SPAG1: variants seen among roughly 807,000 people sequenced by gnomAD.
SPAG1 encodes sperm-associated antigen 1.
In SPAG1, 69 loss-of-function variants were observed where a neutral mutation model predicts 100.5. That is an observed-to-expected ratio of 0.69 (90% CI 0.57 to 0.84). The LOEUF (loss-of-function observed/expected upper bound fraction) is 0.84. SPAG1 is among the 40% of genes least tolerant of loss of function. The probability of loss-of-function intolerance (pLI) is 0.00; values close to 1 mark genes in which losing one functional copy is unlikely to be tolerated. For missense variants in SPAG1, 955 were observed against 1,133.1 expected (o/e 0.84, Z 2.26); for synonymous variants, 336 against 411.6 (o/e 0.82, Z 2.22).
intron 10 of SPAG1, among the ~76,000 whole-genome samples, chr8:100,210,409 G>C (rs1412921815): frequency 6.6e-6 from 1 of 152,146 alleles, no homozygotes; most frequent in East Asian, 1.9e-4. Context: ...CTGTTCGCTA[G>C]TATTTTGCTG....
intron 9 of SPAG1, among the ~76,000 whole-genome samples, chr8:100,193,263 C>T (rs1816889034): frequency 6.6e-6 from 1 of 151,884 alleles, no homozygotes; most frequent in African/African-American, 2.4e-5. Context: ...AGTTTAAGAC[C>T]AGCCTGGGCA....
intron 10 of SPAG1, among the ~76,000 whole-genome samples, chr8:100,202,406 C>G (rs893069248): frequency 3.3e-5 from 5 of 151,656 alleles, no homozygotes; most frequent in Admixed American, 3.3e-4. Context: ...GACTTGGCAC[C>G]CTTGTCAAGA....
chr8:100,166,636 T>A (rs1815571917), intron 3 of SPAG1, among the ~76,000 whole-genome samples: 1 of 152,098 alleles, frequency 6.6e-6, no homozygotes, highest in South Asian at 2.1e-4. Flanking sequence ...TCAGATGTGG[T>A]TGCTCACACC....
At chr8:100,192,384 C>T (rs1816852321) in intron 9 of SPAG1, among the ~76,000 whole-genome samples, 1 of 152,202 alleles carries the variant, frequency 6.6e-6, no homozygotes, top group Non-Finnish European at 1.5e-5. Flanking sequence ...CCTGCCCAAT[C>T]TCTGCTCCAT....
chr8:100,237,532 C>T (rs1158868571), intron 16 of SPAG1, among the ~76,000 whole-genome samples: 2 of 152,176 alleles, frequency 1.3e-5, no homozygotes, highest in Non-Finnish European at 2.9e-5. Context: ...CATTTGTTTA[C>T]AGGTTTTTAA....
chr8:100,182,981 T>C (rs1353493481), intron 4 of SPAG1, among the ~76,000 whole-genome samples: 1 of 152,148 alleles, frequency 6.6e-6, no homozygotes. Context: ...CTTTATTTTA[T>C]TTTTATTTTT....
chr8:100,167,642 C>G (rs775213432), intron 3 of SPAG1, among the ~76,000 whole-genome samples: 7 of 152,170 alleles, frequency 4.6e-5, no homozygotes, highest in Non-Finnish European at 8.8e-5. Flanking sequence ...ATGAATCTGT[C>G]ACTTAAATTT....
In SPAG1 at chr8:100,240,881, C is replaced by A; in HGVS notation, c.2650-10C>A. 7.5e-7 allele frequency: 1 copy of A among 1,329,870 alleles called. No homozygotes were observed. Among genetic ancestry groups the A allele is most frequent in the Non-Finnish European group, 9.9e-7 (1 of 1,007,982 alleles). The allele number at this position is 1,329,870 out of a possible 1,614,324, so 82.4% of individuals were successfully genotyped here. A position where few individuals can be genotyped will look rare whatever the true frequency, so the allele number is the denominator to read the frequency against. On this transcript the variant is annotated splice_polypyrimidine_tract_variant and intron_variant, in intron 18 of 18. Transcript: ENST00000388798. ...GGTTTTTTGTTTTTTTTTTTTTTTG[C>A]TTCTTTTAGATGATGTTGACACTAA...
intron 10 of SPAG1, among the ~76,000 whole-genome samples, chr8:100,200,086 A>C (rs1408379913): frequency 1.3e-5 from 2 of 152,060 alleles, no homozygotes; most frequent in Non-Finnish European, 2.9e-5. Context: ...TCCTAATGCT[A>C]TCCCTCCCCT....
chr8:100,207,072 A>G (rs551274845), intron 10 of SPAG1, among the ~76,000 whole-genome samples: 2 of 152,154 alleles, frequency 1.3e-5, no homozygotes, highest in Non-Finnish European at 2.9e-5. Context: ...TTTCCTCTTG[A>G]GACAGCTCTT....
intron 11 of SPAG1, 119 bp downstream of exon 11, chr8:100,213,547 A>G (rs1185047224): frequency 1.3e-5 from 11 of 843,206 alleles, no homozygotes; most frequent in Non-Finnish European, 1.6e-5. Flanking sequence ...GCATCGCTGC[A>G]TTCCTCCCAG....
At chr8:100,230,431 G>A (rs1048278655) in intron 14 of SPAG1, among the ~76,000 whole-genome samples, 1 of 152,150 alleles carries the variant, frequency 6.6e-6, no homozygotes, top group South Asian at 2.1e-4. Flanking sequence ...ACACTGTGAG[G>A]GTTGCTAGTT....
At chr8:100,209,602 T>G (rs1417301598) in intron 10 of SPAG1, among the ~76,000 whole-genome samples, 1 of 141,362 alleles carries the variant, frequency 7.1e-6, no homozygotes, top group Non-Finnish European at 1.5e-5. Context: ...TTGAGTAGTA[T>G]TAACATTTTA....
intron 12 of SPAG1, among the ~76,000 whole-genome samples, chr8:100,214,205 C>T (rs1260643876): frequency 1.3e-5 from 2 of 152,168 alleles, no homozygotes; most frequent in Non-Finnish European, 1.5e-5. Context: ...CAATCCACTG[C>T]GGCATCAGAA....
At chr8:100,164,096 G>A (rs1815438530) in intron 2 of SPAG1, among the ~76,000 whole-genome samples, 1 of 152,172 alleles carries the variant, frequency 6.6e-6, no homozygotes, top group Non-Finnish European at 1.5e-5. Context: ...AACTCTCTAA[G>A]GAAGGAATTC....
chr8:100,230,718 G>A (rs948308976), intron 14 of SPAG1, among the ~76,000 whole-genome samples: 3 of 152,162 alleles, frequency 2.0e-5, no homozygotes, highest in Non-Finnish European at 4.4e-5. Flanking sequence ...CTGCCTCCCA[G>A]GTTCAAGCAC....
chr8:100,178,144 T>C (rs1252142999), intron 4 of SPAG1, among the ~76,000 whole-genome samples: 1 of 152,134 alleles, frequency 6.6e-6, no homozygotes, highest in Non-Finnish European at 1.5e-5. Context: ...AATGAAACAG[T>C]TTTTTCCTTT....
At chr8:100,183,639 T>A (rs1816462913) in intron 5 of SPAG1, among the ~76,000 whole-genome samples, 1 of 152,160 alleles carries the variant, frequency 6.6e-6, no homozygotes, top group Non-Finnish European at 1.5e-5. Flanking sequence ...CCTATTTTTT[T>A]ATAAAGTCAG....
Position 100,239,250 on chromosome 8 carries a change from A to AAAGCTTAATTGATCTCAAT in SPAG1, c.2129_2147dup (p.Val717LeufsTer3). ...TCTTCCTACTTACAGAATTATCAGAAAAGCTTAATTGATCTCAATAAAGTT... is the reference window on the plus strand; with the variant it reads ...TCTTCCTACTTACAGAATTATCAGAAAAGCTTAATTGATCTCAATAAGCTTAATTGATCTCAATAAAGTT... On this transcript the variant is annotated frameshift_variant, in exon 17 of 19. Coordinates refer to ENST00000388798, the MANE Select transcript of SPAG1 (RefSeq NM_003114.5). LOFTEE classifies it high-confidence loss of function. The surrounding 1 kb of genome is among the most constrained non-coding windows in gnomAD (Gnocchi z 5.0). 1 of 1,493,078 alleles carries AAAGCTTAATTGATCTCAAT rather than the reference A, an allele frequency of 6.7e-7. No individual in the cohort carries two copies. The highest frequency in any genetic ancestry group is 8.9e-7 in the Non-Finnish European group (1 of 1,119,354). 92.5% of individuals were successfully genotyped at this position (1,493,078 alleles called of 1,614,324 possible).
Sources: gnomAD v4.1 joint callset for allele counts (sites outside exome capture counted in the v4.1 genomes callset) on GRCh38, gnomAD v4.1.1 for gene constraint, Gnocchi (gnomAD v3.1) non-coding constraint, MANE v1.5 for transcripts, NCBI Gene and HGNC (gene_info 2026-07-23, HGNC 2026-07-21) for gene names.